Variants in BAG1 observed in about 807,000 individuals in gnomAD.
BAG1 encodes the protein BAG family molecular chaperone regulator 1.
BAG1 carries 35 observed loss-of-function variants against 35.5 expected under a neutral mutation model. The ratio of observed to expected loss-of-function variants is 0.99; its 90% confidence interval spans 0.75 to 1.31. The LOEUF is 1.31. Ranked by LOEUF, BAG1 falls within the 50% of genes most tolerant of loss-of-function variation. BAG1 has a pLI of 0.00. For missense variants in BAG1, 464 were observed against 453.6 expected (o/e 1.02, Z -0.21); for synonymous variants, 191 against 178.9 (o/e 1.07, Z -0.54).
Position 33,255,195 on chromosome 9 carries a change from A to G in BAG1, c.*24T>C. 2 of 1,614,238 alleles carry G rather than the reference A, an allele frequency of 1.2e-6. No individual in the cohort carries two copies. Among genetic ancestry groups the G allele is most frequent in the Non-Finnish European group, 8.5e-7 (1 of 1,180,038 alleles). On this transcript the variant is annotated 3_prime_UTR_variant, in exon 7 of 7. Coordinates refer to ENST00000634734, the MANE Select transcript of BAG1 (RefSeq NM_004323.6). ...AGCTGGTGGCGCCATTCTTCAGGGCAGCACAGCCTTTTTCTGCTACACCTC... is the reference window on the plus strand; with the variant it reads ...AGCTGGTGGCGCCATTCTTCAGGGCGGCACAGCCTTTTTCTGCTACACCTC...
chr9:33,261,023 G>T, intron 3 of BAG1, 64 bp downstream of exon 3: 1 of 1,408,128 alleles, frequency 7.1e-7, no homozygotes, highest in Non-Finnish European at 9.8e-7. Context: ...CTTCTAAACA[G>T]AAACATGTAT....
Position 33,256,926 on chromosome 9 carries a change from A to G in BAG1, c.778-18T>C, listed in dbSNP as rs746206567. ...AGAAAACCCTGCGGGGAAATAATGCATTATTGCAAGGGTTCTCTGAGGCTG... is the reference window on the plus strand; with the variant it reads ...AGAAAACCCTGCGGGGAAATAATGCGTTATTGCAAGGGTTCTCTGAGGCTG... On this transcript the variant is annotated intron_variant, in intron 4 of 6. Coordinates refer to ENST00000634734, the MANE Select transcript of BAG1 (RefSeq NM_004323.6). The G allele has an allele frequency of 6.3e-7, 1 of 1,596,730 alleles. No homozygotes were observed. The highest frequency in any genetic ancestry group is 8.6e-7 in the Non-Finnish European group (1 of 1,164,162).
rs907629303 is a variant in BAG1, at chr9:33,264,694, C to G, written c.-20G>C. The G allele has an allele frequency of 1.5e-6, 2 of 1,360,890 alleles. No homozygotes were observed. Among genetic ancestry groups the G allele is most frequent in the African/African-American group, 3.0e-5 (2 of 66,014 alleles). 84.3% of individuals were successfully genotyped at this position (1,360,890 alleles called of 1,614,324 possible). On this transcript the variant is annotated 5_prime_UTR_variant, in exon 1 of 7. Coordinates refer to ENST00000634734, the MANE Select transcript of BAG1 (RefSeq NM_004323.6). ...AGCCAGGCCCGCACTTGTTGACCGC[C>G]CAGCGATGGAAGCTGAGCGCGGCGT...
At chr9:33,261,960 C>A in intron 2 of BAG1, 1 of 1,185,136 alleles carries the variant, frequency 8.4e-7, no homozygotes, top group Non-Finnish European at 1.1e-6. Context: ...ACAGCAGTAT[C>A]TCCACCCTCA....
chr9:33,264,064 C>A, intron 1 of BAG1, 160 bp downstream of exon 1: 6 of 873,194 alleles, frequency 6.9e-6, no homozygotes, highest in South Asian at 1.8e-5. Context: ...GACACAAGCC[C>A]GGGACAAAAG....
intron 3 of BAG1, chr9:33,260,523 C>T (rs1279244175): frequency 1.3e-5 from 2 of 152,238 alleles, no homozygotes; most frequent in African/African-American, 4.8e-5. Context: ...TTCATATGCT[C>T]ATAATTCTGC....
intron 5 of BAG1, among the ~76,000 whole-genome samples, chr9:33,256,295 T>C (rs960227886): frequency 1.3e-5 from 2 of 152,210 alleles, no homozygotes; most frequent in African/African-American, 4.8e-5. Flanking sequence ...ACACCCACCC[T>C]GGCCAACAGA....
chr9:33,260,500 A>G (rs1349896415), intron 3 of BAG1: 1 of 152,132 alleles, frequency 6.6e-6, no homozygotes, highest in Non-Finnish European at 1.5e-5. Flanking sequence ...CACCTAACTC[A>G]CAATAAGGGA....
chr9:33,264,393 C>T lies in BAG1; in HGVS notation c.282G>A (p.Leu94=). 3 of 1,611,646 alleles carry T rather than the reference C, an allele frequency of 1.9e-6. No homozygotes were observed. Among genetic ancestry groups the T allele is most frequent in the East Asian group, 2.2e-5 (1 of 44,594 alleles). The change falls in exon 1 of 7, where the codon CTG becomes CTA. Residue 94 remains leucine (L), a synonymous_variant. Coordinates refer to ENST00000634734, the MANE Select transcript of BAG1 (RefSeq NM_004323.6). ...CTTCACTCCAGGTCGCTTCCTCACT[C>T]AGGGTCAACTCCTCGCTCCGGGTCA...
At position 33,256,848 on chromosome 9, in the gene BAG1, C is replaced by T. The variant is rs1293646652; in HGVS notation, c.838G>A (p.Ala280Thr). ...ATCTTCATAAACTGCTCTATTGTGG[C>T]TTTTACTCTCCTATCAAGTTTGCAG... The change falls in exon 5 of 7, where the codon GCC becomes ACC. Residue 280 changes from alanine to threonine, a missense_variant. Physicochemically the swap from Ala to Thr is moderately conservative, Grantham distance 58. Coordinates refer to ENST00000634734, the MANE Select transcript of BAG1 (RefSeq NM_004323.6). The T allele has an allele frequency of 6.8e-6, 11 of 1,614,090 alleles. No individual in the cohort carries two copies. In the Admixed American group the frequency reaches 1.7e-4, roughly 24 times the overall value.
intron 1 of BAG1, among the ~76,000 whole-genome samples, chr9:33,263,384 G>A (rs1039704636): frequency 2.0e-5 from 3 of 152,194 alleles, no homozygotes; most frequent in South Asian, 2.1e-4. Flanking sequence ...TCCATGATTT[G>A]TGCTAAGTAA....
chr9:33,257,161 TCC>T (rs1425660618), intron 4 of BAG1: 2 of 449,008 alleles, frequency 4.5e-6, no homozygotes, highest in Non-Finnish European at 7.9e-6. Flanking sequence ...GAGGCTTGGC[TCC>T]AGTGAAGCCC....
rs764755467 is a variant in BAG1, at chr9:33,264,450, TTTC to T, written c.222_224del (p.Lys75del). On this transcript the variant is annotated inframe_deletion, in exon 1 of 7. Transcript: ENST00000634734. ...CGCTCCGGGTCGAGCGGCGCCGGGT[TTTC>T]TTCTTCATCCGCGGCCTGCGAGCGC... 1.9e-6 allele frequency: 3 copies of T among 1,613,584 alleles called. No homozygotes were observed. The highest frequency in any genetic ancestry group is 1.3e-5 in the African/African-American group (1 of 74,992).
rs765879496 is a variant in BAG1, at chr9:33,256,896, T to C, written c.790A>G (p.Lys264Glu). Reference sequence around the variant, plus strand: ...CAGAGAGCTTCAGCTTGCAAATCCTTGGGCAGAAAACCCTGCGGGGAAATA... The same window carrying C: ...CAGAGAGCTTCAGCTTGCAAATCCTCGGGCAGAAAACCCTGCGGGGAAATA... The change falls in exon 5 of 7, where the codon AAG becomes GAG. Residue 264 changes from lysine (K) to glutamate (E), a missense_variant. Lys to Glu is a moderately conservative substitution (Grantham distance 56). Transcript: ENST00000634734. 3 of 1,614,150 alleles carry C rather than the reference T, an allele frequency of 1.9e-6. No individual in the cohort carries two copies. The highest frequency in any genetic ancestry group is 1.7e-6 in the Non-Finnish European group (2 of 1,179,978).
chr9:33,262,863 A>ATTCT, intron 1 of BAG1, 33 bp from the exon 2 acceptor site: 1 of 1,609,762 alleles, frequency 6.2e-7, no homozygotes, highest in Non-Finnish European at 8.5e-7. Context: ...GACGAATATG[A>ATTCT]TTCTTTCACA....
In BAG1 at chr9:33,262,563, A is replaced by G. The variant is rs12005042; in HGVS notation, c.580+139T>C. 2.0e-3 allele frequency: 1,866 copies of G among 944,624 alleles called. 14 individuals carry two copies. The highest frequency in any genetic ancestry group is 0.017 in the African/African-American group (995 of 59,578). The allele number at this position is 944,624 out of a possible 1,614,324, so 58.5% of individuals were successfully genotyped here. A position where few individuals can be genotyped will look rare whatever the true frequency, so the allele number is the denominator to read the frequency against. On this transcript the variant is annotated intron_variant, in intron 2 of 6. Coordinates refer to ENST00000634734, the MANE Select transcript of BAG1 (RefSeq NM_004323.6). ...TCCCAGCTACTTGAGAGGCTGAGGC[A>G]GGAGAATCACTTGAATCCGGGAGGC...
chr9:33,256,700 TGGGTTTGCTCA>T, intron 5 of BAG1, 90 bp downstream of exon 5: 1 of 939,914 alleles, frequency 1.1e-6, no homozygotes, highest in South Asian at 1.5e-5. Flanking sequence ...TCTCAAGTGA[TGGGTTTGCTCA>T]GGCAATAGGA....
intron 6 of BAG1, among the ~76,000 whole-genome samples, chr9:33,255,568 C>T (rs1820435561): frequency 1.3e-5 from 2 of 152,232 alleles, no homozygotes; most frequent in South Asian, 4.1e-4. Flanking sequence ...GGCCACTGCA[C>T]AGCAACTGCA....
rs974722936 is a variant in BAG1 at position 33,254,019 on chromosome 9, C to A, written c.*1200G>T. On this transcript the variant is annotated 3_prime_UTR_variant, in exon 7 of 7. Transcript: ENST00000634734. ...CTGAGATGGAGTCTCACTCTGTGAC[C>A]CAGGCTGGAGTGCAGGGGCGTAATC... 3.3e-5 allele frequency: 5 copies of A among 151,528 alleles called. No homozygotes were observed. The highest frequency in any genetic ancestry group is 1.2e-4 in the African/African-American group (5 of 41,166). 9.4% of individuals were successfully genotyped at this position (151,528 alleles called of 1,614,324 possible). A position where few individuals can be genotyped will look rare whatever the true frequency, so the allele number is the denominator to read the frequency against.
Sources: allele counts gnomAD v4.1 joint callset (sites outside exome capture counted in the v4.1 genomes callset), GRCh38; gene constraint gnomAD v4.1.1; transcripts MANE v1.5; gene names NCBI Gene and HGNC (gene_info 2026-07-23, HGNC 2026-07-21).